Variants in KCNQ1 observed in about 807,000 individuals in gnomAD.
KCNQ1 encodes potassium voltage-gated channel subfamily KQT member 1.
A neutral mutation model predicts 72.4 loss-of-function variants in KCNQ1; 49 were observed. The ratio of observed to expected loss-of-function variants is 0.68; its 90% CI spans 0.54 to 0.86. The LOEUF (loss-of-function observed/expected upper bound fraction) is 0.86, where lower values mean the gene tolerates loss of function less well. Ranked by LOEUF, KCNQ1 falls within the 40% of genes least tolerant of loss-of-function variation. KCNQ1 has a pLI of 0.00. For synonymous variants in KCNQ1, 450 were observed against 412.6 expected (o/e 1.09, Z -1.10); for missense variants, 790 against 945.1 (o/e 0.84, Z 2.15).
intron 15 of KCNQ1, among the ~76,000 whole-genome samples, chr11:2,796,885 T>A (rs1317682670): frequency 6.6e-6 from 1 of 152,192 alleles, no homozygotes; most frequent in Non-Finnish European, 1.5e-5. Flanking sequence ...CGCCATTCGG[T>A]GCCAATAAAG....
intron 10 of KCNQ1, chr11:2,615,405 G>T (rs1849044276): frequency 2.5e-6 from 1 of 397,760 alleles, no homozygotes; most frequent in Admixed American, 4.4e-5. Flanking sequence ...TTATTTATCT[G>T]CCTAATTGTC....
Position 2,679,883 on chromosome 11 carries a change from C to A in KCNQ1, c.1514+17802C>A. On this transcript the variant is annotated intron_variant, in intron 11 of 15. Coordinates refer to ENST00000155840, the MANE Select transcript of KCNQ1 (RefSeq NM_000218.3). The surrounding 1 kb of genome is among the most constrained non-coding windows in gnomAD (Gnocchi z 4.8). ...TCATATAAACTTAGAACTAGCACGC[C>A]TAATTTTTTTTTTATTTTTATTTTT... 2.5e-6 allele frequency: 1 copy of A among 398,044 alleles called. No individual in the cohort carries two copies. The allele number at this position is 398,044 out of a possible 1,614,324, so 24.7% of individuals were successfully genotyped here.
At chr11:2,756,208 T>G (rs1430761504) in intron 11 of KCNQ1, among the ~76,000 whole-genome samples, 9 of 152,052 alleles carry the variant, frequency 5.9e-5, no homozygotes, top group Non-Finnish European at 1.2e-4. Flanking sequence ...TGTGGACGAG[T>G]GAGAATGAAC....
At chr11:2,561,332 G>C (rs1420128667) in intron 2 of KCNQ1, among the ~76,000 whole-genome samples, 1 of 152,228 alleles carries the variant, frequency 6.6e-6, no homozygotes, top group Non-Finnish European at 1.5e-5. Context: ...CACGGGACGG[G>C]GCGTCAGGTC....
chr11:2,451,104 C>T lies in KCNQ1; in HGVS notation c.386+5620C>T, dbSNP rs1846113556. Among the ~76,000 whole-genome samples the T allele has an allele frequency of 1.3e-5, 2 of 152,126 alleles. No individual in the cohort carries two copies. The highest frequency in any genetic ancestry group is 4.8e-5 in the African/African-American group (2 of 41,416). On this transcript the variant is annotated intron_variant, in intron 1 of 15. Coordinates refer to ENST00000155840, the MANE Select transcript of KCNQ1 (RefSeq NM_000218.3). This position sits in a 1 kb window ranked among gnomAD's most constrained non-coding sequence, Gnocchi z 6.4. ...TAAGGGTGGTGGGTCCAAGGGGGTGCCTGAGCCCTTCTGCAGAAACACCGT... is the reference window on the plus strand; with the variant it reads ...TAAGGGTGGTGGGTCCAAGGGGGTGTCTGAGCCCTTCTGCAGAAACACCGT...
At chr11:2,533,136 C>T (rs759540121) in intron 2 of KCNQ1, among the ~76,000 whole-genome samples, 1 of 152,242 alleles carries the variant, frequency 6.6e-6, no homozygotes, top group African/African-American at 2.4e-5. Context: ...TGGATCAAAG[C>T]GATGTGTTCC....
chr11:2,447,503 G>T lies in KCNQ1; in HGVS notation c.386+2019G>T, dbSNP rs1315086220. 6.6e-6 allele frequency among the ~76,000 whole-genome samples: 1 copy of T among 152,082 alleles called. No homozygotes were observed. The highest frequency in any genetic ancestry group is 1.5e-5 in the Non-Finnish European group (1 of 68,010). On this transcript the variant is annotated intron_variant, in intron 1 of 15. Transcript: ENST00000155840. The surrounding 1 kb of genome is among the most constrained non-coding windows in gnomAD (Gnocchi z 7.6). ...CCTGACTGGGCAGGACATGTGGCTT[G>T]GTGGGGGCCTGGGAGATGCGCTCCC...
chr11:2,769,985 G>T lies in KCNQ1; in HGVS notation c.1590+1066G>T, dbSNP rs899154092. On this transcript the variant is annotated intron_variant, in intron 12 of 15. Transcript: ENST00000155840. This position sits in a 1 kb window ranked among gnomAD's most constrained non-coding sequence, Gnocchi z 4.6. ...AGCTCCCTGCTAGGGTCTGGTCAGG[G>T]CTTATGGGGGCCTTTGTCAAGAGGT... is the stretch of plus-strand genomic sequence containing the variant. Among the ~76,000 whole-genome samples the T allele has an allele frequency of 1.3e-5, 2 of 152,106 alleles. No individual in the cohort carries two copies. The highest frequency in any genetic ancestry group is 4.8e-5 in the African/African-American group (2 of 41,428).
rs774725539 is a variant in KCNQ1, at chr11:2,601,085, TAAAAAA to T, written c.1393+12241_1393+12246del. On this transcript the variant is annotated intron_variant, in intron 10 of 15. Coordinates refer to ENST00000155840, the MANE Select transcript of KCNQ1 (RefSeq NM_000218.3). The surrounding 1 kb of genome is among the most constrained non-coding windows in gnomAD (Gnocchi z 5.2). ...GCCATGCATATACCCTGCTACTTGT[TAAAAAA>T]AAAAAAAAAGTCTCTCCAGATTTAA... Among the ~76,000 whole-genome samples the T allele has an allele frequency of 8.6e-5, 12 of 139,110 alleles. No individual in the cohort carries two copies. In the Admixed American group the frequency reaches 8.7e-4, roughly 10 times the overall value. The allele number at this position is 139,110 out of a possible 152,430, so 91.3% of individuals were successfully genotyped here.
At chr11:2,448,636 G>A (rs1036994222) in intron 1 of KCNQ1, among the ~76,000 whole-genome samples, 4 of 152,190 alleles carry the variant, frequency 2.6e-5, no homozygotes, top group Non-Finnish European at 4.4e-5. Context: ...AGAGGAGGAC[G>A]GGGCTCTCTG....
At position 2,695,519 on chromosome 11, in the gene KCNQ1, G is replaced by T; in HGVS notation, c.1514+33438G>T. ...CTAGTCCCCTGCTCCTAACCACAGT[G>T]ACCAGCTCCAACTGCCCACCCCTAT... On this transcript the variant is annotated intron_variant, in intron 11 of 15. Coordinates refer to ENST00000155840, the MANE Select transcript of KCNQ1 (RefSeq NM_000218.3). The surrounding 1 kb of genome is among the most constrained non-coding windows in gnomAD (Gnocchi z 5.2). 2.5e-6 allele frequency: 1 copy of T among 398,562 alleles called. No individual in the cohort carries two copies. The allele number at this position is 398,562 out of a possible 1,614,324, so 24.7% of individuals were successfully genotyped here.
chr11:2,456,417 A>G (rs559122899), intron 1 of KCNQ1, among the ~76,000 whole-genome samples: 2 of 152,232 alleles, frequency 1.3e-5, no homozygotes, highest in Non-Finnish European at 2.9e-5. Flanking sequence ...ATAGCTAATA[A>G]GTCCTCAAAA....
chr11:2,594,160 A>G (rs1169494330), intron 10 of KCNQ1, among the ~76,000 whole-genome samples: 1 of 152,172 alleles, frequency 6.6e-6, no homozygotes, highest in Admixed American at 6.5e-5. Context: ...GTTTGTCTGA[A>G]ATATTTTTAC....
intron 1 of KCNQ1, among the ~76,000 whole-genome samples, chr11:2,490,371 C>T (rs1457435229): frequency 6.6e-6 from 1 of 152,250 alleles, no homozygotes; most frequent in East Asian, 1.9e-4. Flanking sequence ...AAGTGAAGGA[C>T]AAAAGCCTGG....
At chr11:2,665,057 A>T (rs992979962) in intron 11 of KCNQ1, 2 of 398,218 alleles carry the variant, frequency 5.0e-6, no homozygotes, top group African/African-American at 4.1e-5. Flanking sequence ...CAAGCTAGGG[A>T]GTCATGACAA....
intron 1 of KCNQ1, among the ~76,000 whole-genome samples, chr11:2,445,996 G>T (rs551383843): frequency 6.6e-6 from 1 of 152,272 alleles, no homozygotes; most frequent in South Asian, 2.1e-4. Context: ...CTCCCTGAGG[G>T]CTCAGCATGC....
chr11:2,835,649 G>A lies in KCNQ1; in HGVS notation c.1795-12118G>A, dbSNP rs116674392. ...AAAACAAAGGCAGCACCACAGCGACGAGGGCCTGAGAGGAAAGTGGAGCAG... is the reference window on the plus strand; with the variant it reads ...AAAACAAAGGCAGCACCACAGCGACAAGGGCCTGAGAGGAAAGTGGAGCAG... On this transcript the variant is annotated intron_variant, in intron 15 of 15. Transcript: ENST00000155840. Among the ~76,000 whole-genome samples the A allele has an allele frequency of 9.1e-3, 1,392 of 152,320 alleles. 20 individuals are homozygous for A. Among genetic ancestry groups the A allele is most frequent in the African/African-American group, 0.032 (1,319 of 41,568 alleles).
rs778378708 is a variant in KCNQ1 at position 2,695,311 on chromosome 11, G to A, written c.1514+33230G>A. The A allele has an allele frequency of 5.3e-5, 21 of 396,658 alleles. No homozygotes were observed. The highest frequency in any genetic ancestry group is 8.9e-5 in the Non-Finnish European group (20 of 225,806). The allele number at this position is 396,658 out of a possible 1,614,324, so 24.6% of individuals were successfully genotyped here. On this transcript the variant is annotated intron_variant, in intron 11 of 15. Transcript: ENST00000155840. This position sits in a 1 kb window ranked among gnomAD's most constrained non-coding sequence, Gnocchi z 5.2. ...TCCCTACACAAACAGCTTCTCCAGG[G>A]TAATTTATTTATATCATTGTGTGTG...
chr11:2,651,021 C>T lies in KCNQ1; in HGVS notation c.1394-10940C>T, dbSNP rs1849748682. The T allele has an allele frequency of 7.5e-6, 3 of 398,774 alleles. No homozygotes were observed. Among genetic ancestry groups the T allele is most frequent in the Non-Finnish European group, 1.3e-5 (3 of 226,148 alleles). 24.7% of individuals were successfully genotyped at this position (398,774 alleles called of 1,614,324 possible). On this transcript the variant is annotated intron_variant, in intron 10 of 15. Coordinates refer to ENST00000155840, the MANE Select transcript of KCNQ1 (RefSeq NM_000218.3). This position sits in a 1 kb window ranked among gnomAD's most constrained non-coding sequence, Gnocchi z 6.1. ...GCCCACACCTAGTCTCTCCAGCTAT[C>T]TCCCTGGTTAAAACCACCACCATTT...
Sources: allele counts gnomAD v4.1 joint callset (sites outside exome capture counted in the v4.1 genomes callset), GRCh38; gene constraint gnomAD v4.1.1; non-coding constraint Gnocchi (gnomAD v3.1); transcripts MANE v1.5; gene names NCBI Gene and HGNC (gene_info 2026-07-23, HGNC 2026-07-21).